Variants in XPO6 observed in about 807,000 individuals in gnomAD.
XPO6 encodes exportin 6.
A neutral mutation model predicts 130.0 loss-of-function variants in XPO6; 3 were observed. The observed-to-expected ratio is 0.02, with a 90% CI of 0.01 to 0.06. XPO6 has a LOEUF of 0.06. Ranked by LOEUF, XPO6 falls within the 10% of genes least tolerant of loss-of-function variation. The pLI, the probability that XPO6 is intolerant of heterozygous loss-of-function variation, is 1.00. For synonymous variants in XPO6, 524 were observed against 548.9 expected (o/e 0.95, Z 0.63); for missense variants, 970 against 1,393.0 (o/e 0.70, Z 4.83).
intron 1 of XPO6, among the ~76,000 whole-genome samples, chr16:28,209,640 C>CAAAAAA (rs200663753): frequency 4.7e-5 from 2 of 43,002 alleles, no homozygotes; most frequent in Admixed American, 2.3e-4. Context: ...AACTCCATCT[C>CAAAAAA]AAAAAAAAAA....
At chr16:28,116,475 A>G (rs1225824639) in intron 15 of XPO6, among the ~76,000 whole-genome samples, 3 of 144,492 alleles carry the variant, frequency 2.1e-5, no homozygotes, top group Non-Finnish European at 4.5e-5. Flanking sequence ...AACAACAAAA[A>G]CGACAAAAAA....
In XPO6 at chr16:28,152,650, G is replaced by A. The variant is rs1165960016; in HGVS notation, c.1224+9C>T. 1.9e-6 allele frequency: 3 copies of A among 1,606,008 alleles called. No homozygotes were observed. Among genetic ancestry groups the A allele is most frequent in the Non-Finnish European group, 2.5e-6 (3 of 1,178,106 alleles). On this transcript the variant is annotated intron_variant, in intron 8 of 23. Coordinates refer to ENST00000304658, the MANE Select transcript of XPO6 (RefSeq NM_015171.4). ...TCTCTGGAAGGGAAGGATGACTTTG[G>A]TGCTTTACCTGATGAAATGTGTACT... is the stretch of plus-strand genomic sequence containing the variant.
intron 1 of XPO6, among the ~76,000 whole-genome samples, chr16:28,186,067 C>A (rs9923597): frequency 0.016 from 2,417 of 152,146 alleles, 34 homozygotes; most frequent in African/African-American, 0.047. Context: ...CCACCAAGAC[C>A]CATAATCACC....
chr16:28,185,175 T>C (rs2043674302), intron 1 of XPO6, among the ~76,000 whole-genome samples: 1 of 152,082 alleles, frequency 6.6e-6, no homozygotes, highest in Admixed American at 6.6e-5. Flanking sequence ...CCTTTCATTA[T>C]TCACTTTATA....
At chr16:28,117,842 C>T (rs2087109149) in intron 14 of XPO6, among the ~76,000 whole-genome samples, 1 of 152,196 alleles carries the variant, frequency 6.6e-6, no homozygotes, top group South Asian at 2.1e-4. Context: ...GCGTAGACAA[C>T]TACCAGGTGT....
intron 8 of XPO6, among the ~76,000 whole-genome samples, chr16:28,151,613 T>C (rs902724481): frequency 1.3e-5 from 2 of 152,204 alleles, no homozygotes; most frequent in Non-Finnish European, 2.9e-5. Context: ...CTGGCAACAA[T>C]GTACTTCTTG....
chr16:28,193,104 C>G (rs1471543485), intron 1 of XPO6, among the ~76,000 whole-genome samples: 1 of 152,092 alleles, frequency 6.6e-6, no homozygotes, highest in African/African-American at 2.4e-5. Flanking sequence ...GCAAAGTCCC[C>G]CTAAGTTGCC....
intron 1 of XPO6, among the ~76,000 whole-genome samples, chr16:28,203,096 T>G (rs189750649): frequency 6.6e-6 from 1 of 152,170 alleles, no homozygotes; most frequent in Admixed American, 6.5e-5. Context: ...GGCAACATGG[T>G]GAAACCTCGT....
intron 1 of XPO6, among the ~76,000 whole-genome samples, chr16:28,203,627 T>C (rs2043984961): frequency 6.6e-6 from 1 of 152,170 alleles, no homozygotes; most frequent in Admixed American, 6.5e-5. Flanking sequence ...ATCGCTTCCA[T>C]TCCTACCAAA....
chr16:28,104,221 C>T (rs1414702118), intron 21 of XPO6, among the ~76,000 whole-genome samples: 2 of 152,134 alleles, frequency 1.3e-5, no homozygotes, highest in Non-Finnish European at 1.5e-5. Flanking sequence ...AGAAGGCCCT[C>T]GGTGACTCTG....
At chr16:28,136,845 C>T (rs9929360) in intron 9 of XPO6, among the ~76,000 whole-genome samples, 140,782 of 152,332 alleles carry the variant, frequency 0.92, 66,006 homozygotes, top group Non-Finnish European at 1. Flanking sequence ...CTCCCATTCA[C>T]AGAGCAAACC....
Position 28,198,675 on chromosome 16 carries a change from A to C in XPO6, c.3+12691T>G, listed in dbSNP as rs1464571244. ...AAAATAATAATTTTAAAATTTAAAA[A>C]AAAAAGAAAATTTTTAAAAAATAAA... On this transcript the variant is annotated intron_variant, in intron 1 of 23. Transcript: ENST00000304658. 5.3e-5 allele frequency among the ~76,000 whole-genome samples: 8 copies of C among 152,094 alleles called. No homozygotes were observed. In the East Asian group the frequency reaches 1.5e-3, roughly 29 times the overall value.
At chr16:28,129,602 GAA>G (rs1302966566) in intron 12 of XPO6, among the ~76,000 whole-genome samples, 4 of 151,790 alleles carry the variant, frequency 2.6e-5, no homozygotes, top group Admixed American at 6.6e-5. Flanking sequence ...TGCCCTAGGG[GAA>G]AAAAAAGTCT....
chr16:28,107,535 A>G lies in XPO6; in HGVS notation c.2484T>C (p.Phe828=). ...GCCAGCTCCTACCTGACTGATGGAT[A>G]AAAGCTGGAAAGAGGGCCAGGGAGA... The part of the protein sequence containing the change: ...VQVSLALFPA[F]IHQSDVTDEM... Residue 828 remains phenylalanine (F), a synonymous_variant, in exon 18 of 24, where the codon TTT becomes TTC. Coordinates refer to ENST00000304658, the MANE Select transcript of XPO6 (RefSeq NM_015171.4). The G allele has an allele frequency of 3.7e-6, 6 of 1,614,206 alleles. No individual in the cohort carries two copies. Among genetic ancestry groups the G allele is most frequent in the Non-Finnish European group, 5.1e-6 (6 of 1,180,032 alleles).
intron 6 of XPO6, 100 bp from the exon 7 acceptor site, chr16:28,156,627 T>G: frequency 2.9e-6 from 2 of 685,880 alleles, no homozygotes; most frequent in Non-Finnish European, 4.3e-6. Context: ...TATGTATACA[T>G]ATATGTATCA....
At chr16:28,127,491 A>C (rs556319621) in intron 12 of XPO6, among the ~76,000 whole-genome samples, 1 of 152,296 alleles carries the variant, frequency 6.6e-6, no homozygotes, top group South Asian at 2.1e-4. Flanking sequence ...AATGATTTAG[A>C]TGCAACAGAA....
chr16:28,098,656 T>G lies in XPO6; in HGVS notation c.3277-17A>C. On this transcript the variant is annotated splice_polypyrimidine_tract_variant and intron_variant, in intron 23 of 23. Transcript: ENST00000304658. ...GGGCAGGTCCTGGAAGGCAGGGGCA[T>G]AGCTGCAGCCAACAACACACCAGGT... 6.3e-7 allele frequency: 1 copy of G among 1,596,528 alleles called. No homozygotes were observed. The highest frequency in any genetic ancestry group is 8.6e-7 in the Non-Finnish European group (1 of 1,167,792).
intron 15 of XPO6, among the ~76,000 whole-genome samples, chr16:28,114,199 CAAAAAAA>C (rs71389524): frequency 2.0e-5 from 2 of 97,752 alleles, no homozygotes; most frequent in East Asian, 5.7e-4. Context: ...TACATCCTCA[CAAAAAAA>C]AAAAAAAAAA....
rs1203137267 is a variant in XPO6, at chr16:28,176,277, C to T, written c.208-182G>A. 7.9e-5 allele frequency among the ~76,000 whole-genome samples: 12 copies of T among 152,262 alleles called. No individual in the cohort carries two copies. The South Asian group carries it at 2.5e-3, about 32-fold the overall frequency. ...ATCTTAGGACACAACAGTCCCATTCCTAGGAAGAACTGCCAAATAACAGAA... is the reference window on the plus strand; with the variant it reads ...ATCTTAGGACACAACAGTCCCATTCTTAGGAAGAACTGCCAAATAACAGAA... On this transcript the variant is annotated intron_variant, in intron 3 of 23. Coordinates refer to ENST00000304658, the MANE Select transcript of XPO6 (RefSeq NM_015171.4).
Sources: gnomAD v4.1 joint callset for allele counts (sites outside exome capture counted in the v4.1 genomes callset) on GRCh38, gnomAD v4.1.1 for gene constraint, MANE v1.5 for transcripts, NCBI Gene and HGNC (gene_info 2026-07-23, HGNC 2026-07-21) for gene names.